Variants in MACROD2 observed in about 807,000 individuals in gnomAD.
The protein encoded by MACROD2 is ADP-ribose glycohydrolase MACROD2.
Under a neutral mutation model 70.4 loss-of-function variants are expected in MACROD2, and 36 were observed. The observed-to-expected ratio is 0.51, with a 90% CI of 0.39 to 0.68. The LOEUF (loss-of-function observed/expected upper bound fraction) is 0.68, where lower values mean the gene tolerates loss of function less well. Ranked by LOEUF, MACROD2 falls within the 30% of genes least tolerant of loss-of-function variation. The probability of loss-of-function intolerance (pLI) is 0.00; values close to 1 mark genes in which losing one functional copy is unlikely to be tolerated. For synonymous variants in MACROD2, 172 were observed against 178.8 expected (o/e 0.96, Z 0.30); for missense variants, 496 against 538.4 (o/e 0.92, Z 0.78).
At chr20:15,212,190 C>T (rs1236618171) in intron 5 of MACROD2, among the ~76,000 whole-genome samples, 2 of 152,202 alleles carry the variant, frequency 1.3e-5, no homozygotes, top group Non-Finnish European at 2.9e-5. Flanking sequence ...TTTGACTCCT[C>T]CTTAAATCTA....
intron 3 of MACROD2, among the ~76,000 whole-genome samples, chr20:14,249,128 G>GTTTTTTTTTTTTTTTTTTTTTTTTT (rs1173672516): frequency 9.7e-6 from 1 of 103,078 alleles, no homozygotes. Flanking sequence ...GATTTCAAAG[G>GTTTTTTTTTTTTTTTTTTTTTTTTT]TTTTTTTTTT....
intron 5 of MACROD2, among the ~76,000 whole-genome samples, chr20:14,697,073 T>G (rs1343141401): frequency 6.6e-6 from 1 of 152,150 alleles, no homozygotes; most frequent in East Asian, 1.9e-4. Flanking sequence ...GAAAGCAGTC[T>G]GAGAGAGTGG....
chr20:14,301,806 C>T (rs2082477429), intron 3 of MACROD2, among the ~76,000 whole-genome samples: 1 of 151,952 alleles, frequency 6.6e-6, no homozygotes, highest in Non-Finnish European at 1.5e-5. Context: ...GCTGTGTAGT[C>T]CTCTTAATGT....
At chr20:15,360,794 C>G (rs1241693269) in intron 6 of MACROD2, among the ~76,000 whole-genome samples, 1 of 151,968 alleles carries the variant, frequency 6.6e-6, no homozygotes, top group African/African-American at 2.4e-5. Context: ...TTGTGTTTCC[C>G]TAATAACTAG....
intron 5 of MACROD2, among the ~76,000 whole-genome samples, chr20:14,868,236 G>A (rs2073449455): frequency 6.7e-6 from 1 of 150,260 alleles, no homozygotes; most frequent in Non-Finnish European, 1.5e-5. Context: ...TGCCCAGGCT[G>A]GAATACAGTG....
chr20:15,290,390 G>A (rs1031496436), intron 6 of MACROD2, among the ~76,000 whole-genome samples: 1 of 152,126 alleles, frequency 6.6e-6, no homozygotes, highest in African/African-American at 2.4e-5. Flanking sequence ...ATTTGGAGGG[G>A]GGAGTAAAAG....
At chr20:14,134,822 A>AAAC (rs2054773376) in intron 3 of MACROD2, among the ~76,000 whole-genome samples, 3 of 150,836 alleles carry the variant, frequency 2.0e-5, no homozygotes, top group Non-Finnish European at 4.4e-5. Flanking sequence ...AAAAAAAAAA[A>AAAC]CAGCTACAAA....
At chr20:15,656,233 G>A (rs2049728447) in intron 8 of MACROD2, among the ~76,000 whole-genome samples, 2 of 152,176 alleles carry the variant, frequency 1.3e-5, no homozygotes, top group African/African-American at 4.8e-5. Flanking sequence ...GAGGCAGAAT[G>A]CTTCTCCTTT....
chr20:14,390,926 C>T (rs893264292), intron 3 of MACROD2, among the ~76,000 whole-genome samples: 5 of 152,212 alleles, frequency 3.3e-5, no homozygotes, highest in African/African-American at 1.2e-4. Flanking sequence ...CAATGAGATA[C>T]CATCTCACAC....
chr20:14,699,690 A>G (rs1032746147), intron 5 of MACROD2, among the ~76,000 whole-genome samples: 1 of 152,216 alleles, frequency 6.6e-6, no homozygotes, highest in Non-Finnish European at 1.5e-5. Context: ...TTCCAGTAAT[A>G]TGTAGTTTAA....
intron 9 of MACROD2, among the ~76,000 whole-genome samples, chr20:15,866,478 A>C (rs1315892512): frequency 6.6e-6 from 1 of 152,198 alleles, no homozygotes; most frequent in East Asian, 1.9e-4. Flanking sequence ...ATGGATGCCA[A>C]GGCAGCAACT....
At chr20:14,054,534 G>A (rs2053611029) in intron 2 of MACROD2, among the ~76,000 whole-genome samples, 1 of 152,016 alleles carries the variant, frequency 6.6e-6, no homozygotes. Context: ...TGATAGAAAA[G>A]GGCTGAGTTT....
intron 5 of MACROD2, among the ~76,000 whole-genome samples, chr20:15,140,301 G>A (rs1419512711): frequency 6.6e-6 from 1 of 150,818 alleles, no homozygotes; most frequent in Non-Finnish European, 1.5e-5. Flanking sequence ...CTGCTTCAAC[G>A]GAGAGAGCCA....
intron 6 of MACROD2, among the ~76,000 whole-genome samples, chr20:15,389,276 G>C (rs891804920): frequency 9.2e-5 from 14 of 152,296 alleles, no homozygotes; most frequent in Non-Finnish European, 1.9e-4. Context: ...AAGAGAGAGA[G>C]GGGCAATGCC....
intron 7 of MACROD2, among the ~76,000 whole-genome samples, chr20:15,431,952 T>G (rs1288325131): frequency 6.6e-6 from 1 of 152,084 alleles, no homozygotes; most frequent in Non-Finnish European, 1.5e-5. Flanking sequence ...TGGATTGTGT[T>G]AAGTAGTGAA....
chr20:15,068,690 A>C (rs1421545716), intron 5 of MACROD2, among the ~76,000 whole-genome samples: 2 of 152,106 alleles, frequency 1.3e-5, no homozygotes, highest in East Asian at 3.9e-4. Context: ...TCAGAAGCTG[A>C]GTAGATATGG....
At chr20:15,751,934 A>G (rs11696971) in intron 8 of MACROD2, among the ~76,000 whole-genome samples, 14,583 of 151,652 alleles carry the variant, frequency 0.096, 1,037 homozygotes, top group East Asian at 0.34. Flanking sequence ...AATGAGGTAC[A>G]TGGCTTCCAT....
intron 3 of MACROD2, among the ~76,000 whole-genome samples, chr20:14,213,308 T>C (rs1601354442): frequency 7.9e-6 from 1 of 126,092 alleles, no homozygotes; most frequent in East Asian, 2.2e-4. Flanking sequence ...CATGCCATAA[T>C]ACTATAGAAT....
chr20:15,541,725 T>C (rs1463501817), intron 8 of MACROD2, among the ~76,000 whole-genome samples: 1 of 152,202 alleles, frequency 6.6e-6, no homozygotes, highest in African/African-American at 2.4e-5. Flanking sequence ...TAACTCCTTA[T>C]TGCCCAATAT....
Sources: allele counts gnomAD v4.1 joint callset (sites outside exome capture counted in the v4.1 genomes callset), GRCh38; gene constraint gnomAD v4.1.1; transcripts MANE v1.5; gene names NCBI Gene and HGNC (gene_info 2026-07-23, HGNC 2026-07-21).